STOX2: variants seen among roughly 807,000 people sequenced by gnomAD.
STOX2 encodes storkhead-box protein 2.
In STOX2, 28 loss-of-function variants were observed where a neutral mutation model predicts 60.9. The observed-to-expected ratio is 0.46, with a 90% CI of 0.34 to 0.63. STOX2 has a LOEUF of 0.63. Ranked by LOEUF, STOX2 falls within the 30% of genes least tolerant of loss-of-function variation. The probability of loss-of-function intolerance (pLI) is 0.01; values close to 1 mark genes in which losing one functional copy is unlikely to be tolerated. For synonymous variants in STOX2, 472 were observed against 463.9 expected, an observed-to-expected ratio of 1.02 and a Z score of -0.22; for missense variants, 1,024 against 1,187.7, an observed-to-expected ratio of 0.86 and a Z score of 2.03.
At chr4:183,901,420 G>A (rs72998717), upstream of STOX2, among the ~76,000 whole-genome samples, 1 of 151,902 alleles carries the variant, frequency 6.6e-6, no homozygotes, top group African/African-American at 2.4e-5. Context: ...ACTTCTTTTC[G>A]GGTATATCTA....
chr4:183,864,283 C>A (rs1740516000), intron 1 of STOX2, among the ~76,000 whole-genome samples: 1 of 152,120 alleles, frequency 6.6e-6, no homozygotes, highest in Non-Finnish European at 1.5e-5. Context: ...CCTACCTCAG[C>A]CCCTTTCAGG....
chr4:183,890,482 CAA>C (rs1180769489), intron 1 of STOX2, among the ~76,000 whole-genome samples: 1,939 of 47,802 alleles, frequency 0.041, 42 homozygotes, highest in African/African-American at 0.12. Flanking sequence ...GACTCCGTCT[CAA>C]AAAAAAAAAA....
At chr4:183,819,432 G>C (rs900874452) in intron 1 of STOX2, among the ~76,000 whole-genome samples, 13 of 151,980 alleles carry the variant, frequency 8.6e-5, no homozygotes, top group African/African-American at 3.1e-4. Flanking sequence ...ACAATCGCAG[G>C]CACTGGGCAG....
intron 1 of STOX2, among the ~76,000 whole-genome samples, chr4:183,981,754 C>T (rs932062764): frequency 1.3e-5 from 2 of 152,146 alleles, no homozygotes; most frequent in Non-Finnish European, 2.9e-5. Context: ...TATCTGCATA[C>T]TTCATTTGTA....
At chr4:183,874,957 AT>A (rs1740791722) in intron 1 of STOX2, among the ~76,000 whole-genome samples, 1 of 33,720 alleles carries the variant, frequency 3.0e-5, no homozygotes, top group African/African-American at 1.2e-4. Flanking sequence ...AAAAAAATAT[AT>A]ATATATATAT....
rs1444790742 is a variant in STOX2 at position 184,001,664 on chromosome 4, AC to A, written c.319+188del. Among the ~76,000 whole-genome samples the A allele has an allele frequency of 1.3e-5, 2 of 152,092 alleles. No individual in the cohort carries two copies. Among genetic ancestry groups the A allele is most frequent in the African/African-American group, 4.8e-5 (2 of 41,416 alleles). ...CTGCATGACATCAAAAAATAACTTAACTGCTTCAGCTGTAATACTTTTTAAA... is the reference window on the plus strand; with the variant it reads ...CTGCATGACATCAAAAAATAACTTAATGCTTCAGCTGTAATACTTTTTAAA... On this transcript the variant is annotated intron_variant, in intron 2 of 3. Transcript: ENST00000308497. The surrounding 1 kb of genome is among the most constrained non-coding windows in gnomAD (Gnocchi z 4.2).
intron 1 of STOX2, among the ~76,000 whole-genome samples, chr4:183,871,895 G>C (rs1740701790): frequency 6.6e-6 from 1 of 152,036 alleles, no homozygotes; most frequent in African/African-American, 2.4e-5. Context: ...GTTTGTAAGA[G>C]AGATAGAGGA....
Position 184,009,908 on chromosome 4 carries a change from G to C in STOX2, c.1070G>C (p.Ser357Thr), listed in dbSNP as rs1341042726. Residue 357 changes from serine (S) to threonine (T), a missense_variant, in exon 3 of 4, where the codon AGT (serine) becomes ACT (threonine). By Grantham distance (58) the Ser-to-Thr change is moderately conservative. Transcript: ENST00000308497. The surrounding 1 kb of genome is among the most constrained non-coding windows in gnomAD (Gnocchi z 4.0). ...AGSSAHHSGR[S>T]KKSRTHRKSH... ...TCCTCTGCCCATCACAGCGGAAGGAGTAAAAAGAGTAGGACTCATCGGAAG... is the reference window on the plus strand; with the variant it reads ...TCCTCTGCCCATCACAGCGGAAGGACTAAAAAGAGTAGGACTCATCGGAAG... The C allele has an allele frequency of 6.2e-7, 1 of 1,612,654 alleles. No homozygotes were observed. Among genetic ancestry groups the C allele is most frequent in the Non-Finnish European group, 8.5e-7 (1 of 1,179,312 alleles).
At chr4:183,994,104 C>T (rs1010364356) in intron 1 of STOX2, among the ~76,000 whole-genome samples, 6 of 152,134 alleles carry the variant, frequency 3.9e-5, no homozygotes, top group African/African-American at 1.4e-4. Context: ...ACTGTAACCC[C>T]AGAAAGCGGG....
intron 1 of STOX2, among the ~76,000 whole-genome samples, chr4:183,892,679 A>G (rs1227356964): frequency 1.3e-5 from 2 of 152,176 alleles, no homozygotes; most frequent in Non-Finnish European, 2.9e-5. Context: ...GTGGGACAAC[A>G]GTCTGCAGTG....
intron 1 of STOX2, among the ~76,000 whole-genome samples, chr4:183,807,012 G>T (rs1042921067): frequency 1.3e-5 from 2 of 151,460 alleles, no homozygotes; most frequent in Admixed American, 1.3e-4. Context: ...TTGCTCTGTC[G>T]CCCAGGCTGG....
At position 184,009,952 on chromosome 4, in the gene STOX2, T is replaced by C. The variant is rs1579547542; in HGVS notation, c.1114T>C (p.Ser372Pro). 2 of 1,613,614 alleles carry C rather than the reference T, an allele frequency of 1.2e-6. No homozygotes were observed. The highest frequency in any genetic ancestry group is 1.7e-6 in the Non-Finnish European group (2 of 1,179,796). The change falls in exon 3 of 4, where the codon TCT becomes CCT. Residue 372 changes from serine to proline, a missense_variant. Around this residue, in one of 3 missense-constraint regions of STOX2, gnomAD observed 922 missense variants for 1,058.3 expected, o/e 0.87. Transcript: ENST00000308497. The surrounding 1 kb of genome is among the most constrained non-coding windows in gnomAD (Gnocchi z 4.0). ...THRKSHGKSRSHSKTRVSKGD... is the reference protein window; with the variant it reads ...THRKSHGKSRPHSKTRVSKGD... ...TCGGAAGTCCCATGGAAAGTCTCGG[T>C]CTCACAGCAAGACACGGGTGTCTAA...
intron 2 of STOX2, among the ~76,000 whole-genome samples, chr4:184,006,293 T>C (rs147841073): frequency 1.3e-5 from 2 of 152,350 alleles, no homozygotes; most frequent in African/African-American, 2.4e-5. Flanking sequence ...ACTAAAAGTA[T>C]GCTACCATTT....
At chr4:184,002,470 A>G (rs1201175810) in intron 2 of STOX2, among the ~76,000 whole-genome samples, 2 of 152,244 alleles carry the variant, frequency 1.3e-5, no homozygotes, top group African/African-American at 2.4e-5. Flanking sequence ...TCAAAGGCCT[A>G]CGGCAACAAG....
rs550702188 is a variant in STOX2, at chr4:183,802,997, G to A, written c.364+4942G>A. Among the ~76,000 whole-genome samples the A allele has an allele frequency of 2.4e-4, 37 of 152,288 alleles. 1 individual carries two copies. The South Asian group carries it at 3.1e-3, about 13-fold the overall frequency. On this transcript the variant is annotated intron_variant, in intron 1 of 2. Transcript: ENST00000513034. ...ATTTACAAAGGAAAGAAGTTTAATG[G>A]AGAACTCACAGTTTCACATGGCTGG...
rs1217740552 is a variant in STOX2, at chr4:183,889,421, C to A, written c.364+91366C>A. 4.6e-5 allele frequency among the ~76,000 whole-genome samples: 7 copies of A among 152,168 alleles called. No individual in the cohort carries two copies. The South Asian group carries it at 1.2e-3, about 27-fold the overall frequency. ...CATGGGGCAGGCTCTTCCTGCAGCA[C>A]CCCCAGAGGAAACAGCCCTGCTCTT... On this transcript the variant is annotated intron_variant, in intron 1 of 2. Transcript: ENST00000513034.
chr4:183,890,886 T>C (rs1377980490), intron 1 of STOX2, among the ~76,000 whole-genome samples: 1 of 152,152 alleles, frequency 6.6e-6, no homozygotes, highest in Admixed American at 6.5e-5. Flanking sequence ...GGCGGGAGGA[T>C]CGCTGAAGGC....
At chr4:183,904,433 A>G (rs901889283), upstream of STOX2, among the ~76,000 whole-genome samples, 1 of 151,876 alleles carries the variant, frequency 6.6e-6, no homozygotes, top group Non-Finnish European at 1.5e-5. Flanking sequence ...GAAAGAAGAC[A>G]TTGAACTAAA....
chr4:183,954,279 T>G (rs1210642093), intron 1 of STOX2, among the ~76,000 whole-genome samples: 1 of 148,606 alleles, frequency 6.7e-6, no homozygotes, highest in Non-Finnish European at 1.5e-5. Flanking sequence ...AGGGTTTTTT[T>G]GTTTTTTGTT....
Sources: gnomAD v4.1 joint callset for allele counts (sites outside exome capture counted in the v4.1 genomes callset) on GRCh38, gnomAD v4.1.1 for gene constraint, gnomAD v4.1.1 regional missense constraint, Gnocchi (gnomAD v3.1) non-coding constraint, MANE v1.5 for transcripts, NCBI Gene and HGNC (gene_info 2026-07-23, HGNC 2026-07-21) for gene names.